The following PAK5 variants were observed in gnomAD, a reference collection of about 807,000 sequenced individuals.
PAK5 encodes the protein p21 (RAC1) activated kinase 5.
A neutral mutation model predicts 65.9 loss-of-function variants in PAK5; 16 were observed. The ratio of observed to expected loss-of-function variants is 0.24; its 90% CI spans 0.16 to 0.37. The LOEUF (loss-of-function observed/expected upper bound fraction) is 0.37. Among genes scored for constraint, PAK5 ranks in the 10% least tolerant of loss-of-function variants. PAK5 has a pLI of 1.00. For synonymous variants in PAK5, 371 were observed against 354.9 expected, an observed-to-expected ratio of 1.05 and a Z score of -0.51; for missense variants, 785 against 903.9, an observed-to-expected ratio of 0.87 and a Z score of 1.69.
At chr20:9,666,999 C>A (rs1054258358) in intron 2 of PAK5, among the ~76,000 whole-genome samples, 1 of 152,132 alleles carries the variant, frequency 6.6e-6, no homozygotes, top group Non-Finnish European at 1.5e-5. Context: ...TAGAGTAGAT[C>A]GGGCATAGTG....
intron 2 of PAK5, among the ~76,000 whole-genome samples, chr20:9,654,349 C>A (rs1315495413): frequency 2.0e-5 from 3 of 152,102 alleles, no homozygotes; most frequent in African/African-American, 7.2e-5. Context: ...TTATATTGGA[C>A]CAGCCTGGAT....
intron 1 of PAK5, among the ~76,000 whole-genome samples, chr20:9,802,910 G>GTATATATAAATATATATA: frequency 2.2e-5 from 1 of 46,364 alleles, no homozygotes; most frequent in Non-Finnish European, 3.9e-5. Flanking sequence ...ATATGTATGT[G>GTATATATAAATATATATA]TATATATATA....
intron 1 of PAK5, among the ~76,000 whole-genome samples, chr20:9,729,444 C>G (rs1229923743): frequency 6.6e-6 from 1 of 152,136 alleles, no homozygotes; most frequent in Non-Finnish European, 1.5e-5. Context: ...TCAATATCCA[C>G]TTCCATAGCA....
intron 3 of PAK5, among the ~76,000 whole-genome samples, chr20:9,618,431 G>T (rs1300827988): frequency 7.3e-6 from 1 of 136,546 alleles, no homozygotes; most frequent in African/African-American, 2.8e-5. Flanking sequence ...TTTTGAGACA[G>T]AGTCTCGCTC....
intron 3 of PAK5, among the ~76,000 whole-genome samples, chr20:9,595,151 A>T (rs1280664902): frequency 2.0e-5 from 3 of 151,538 alleles, no homozygotes; most frequent in African/African-American, 4.8e-5. Context: ...AGTATCAAAT[A>T]AAAAAAATCT....
At chr20:9,687,285 T>C (rs1300762495) in intron 2 of PAK5, among the ~76,000 whole-genome samples, 1 of 152,214 alleles carries the variant, frequency 6.6e-6, no homozygotes, top group Non-Finnish European at 1.5e-5. Flanking sequence ...TCTTTTTAGA[T>C]ACAGTGCCAA....
chr20:9,726,157 T>C (rs1002023361), intron 1 of PAK5, among the ~76,000 whole-genome samples: 1 of 152,160 alleles, frequency 6.6e-6, no homozygotes, highest in East Asian at 1.9e-4. Context: ...GTTTTCATTG[T>C]CAGCTTTTTA....
intron 1 of PAK5, among the ~76,000 whole-genome samples, chr20:9,721,652 T>TG: frequency 2.5e-5 from 1 of 39,322 alleles, no homozygotes; most frequent in African/African-American, 1.1e-4. Context: ...AGACTCCATC[T>TG]CAAAAAAAAA....
chr20:9,823,031 A>G (rs544261378), intron 1 of PAK5, among the ~76,000 whole-genome samples: 1 of 152,348 alleles, frequency 6.6e-6, no homozygotes, highest in Admixed American at 6.5e-5. Flanking sequence ...GAAGGTAAAA[A>G]TACTAAGAGT....
chr20:9,687,917 T>C (rs1336723988), intron 2 of PAK5, among the ~76,000 whole-genome samples: 1 of 135,494 alleles, frequency 7.4e-6, no homozygotes, highest in East Asian at 2.2e-4. Flanking sequence ...GTGTGTGTTA[T>C]GTGTGTGCAT....
At chr20:9,714,423 T>G (rs6056818) in intron 1 of PAK5, among the ~76,000 whole-genome samples, 1 of 151,420 alleles carries the variant, frequency 6.6e-6, no homozygotes, top group South Asian at 2.1e-4. Context: ...TCTGTAAAAA[T>G]GCAACTACTC....
At chr20:9,723,275 C>A (rs139685167) in intron 1 of PAK5, among the ~76,000 whole-genome samples, 1 of 152,178 alleles carries the variant, frequency 6.6e-6, no homozygotes, top group East Asian at 1.9e-4. Context: ...AACAGTGAGA[C>A]GTGGTTCAAT....
chr20:9,817,802 C>T (rs2049375192), intron 1 of PAK5, among the ~76,000 whole-genome samples: 1 of 152,118 alleles, frequency 6.6e-6, no homozygotes, highest in East Asian at 1.9e-4. Context: ...CATAAACTGC[C>T]TTTGCACACA....
chr20:9,762,431 A>G lies in PAK5; in HGVS notation c.-161-50996T>C, dbSNP rs1415273959. Among the ~76,000 whole-genome samples, 4 of 152,140 alleles carry G rather than the reference A, an allele frequency of 2.6e-5. No individual in the cohort carries two copies. In the East Asian group the frequency reaches 7.7e-4, roughly 29 times the overall value. On this transcript the variant is annotated intron_variant, in intron 1 of 9. Coordinates refer to ENST00000353224, the MANE Select transcript of PAK5 (RefSeq NM_177990.4). ...AACTCAATAGCAAATAAAATAAAAC[A>G]AATACCTAATTTAAATGGGCACAGG...
chr20:9,693,411 T>G (rs2047824415), intron 2 of PAK5, among the ~76,000 whole-genome samples: 1 of 152,012 alleles, frequency 6.6e-6, no homozygotes, highest in South Asian at 2.1e-4. Flanking sequence ...CCATTCTCTC[T>G]CTCTTCATCT....
At chr20:9,562,809 T>G (rs1334132505) in intron 6 of PAK5, 82 bp downstream of exon 6, 1 of 1,306,248 alleles carries the variant, frequency 7.7e-7, no homozygotes. Flanking sequence ...CTGCAATTTA[T>G]GAAGAGTTCA....
intron 1 of PAK5, among the ~76,000 whole-genome samples, chr20:9,761,823 A>C (rs549515440): frequency 6.6e-6 from 1 of 152,238 alleles, no homozygotes; most frequent in East Asian, 1.9e-4. Flanking sequence ...TTTTTTTTTA[A>C]AATGGATTGG....
At chr20:9,539,794 T>A (rs968801562) in intron 9 of PAK5, among the ~76,000 whole-genome samples, 177 bp from the exon 10 acceptor site, 2 of 152,270 alleles carry the variant, frequency 1.3e-5, no homozygotes, top group African/African-American at 2.4e-5. Context: ...GTGTTTTCCT[T>A]ACCTTTTTCA....
Position 9,562,866 on chromosome 20 carries a change from TTCTCTGGATAATAAAGAAGCCTACCTG to T in PAK5, c.1614_1616+24del. The T allele has an allele frequency of 6.2e-7, 1 of 1,601,442 alleles. No individual in the cohort carries two copies. Among genetic ancestry groups the T allele is most frequent in the Non-Finnish European group, 8.5e-7 (1 of 1,174,678 alleles). ...GGAGAAGAATAAGAAGCACCTCGAA[TTCTCTGGATAATAAAGAAGCCTACCTG>T]GTGTGAGTCACAATGTCTGTCAAGG... On this transcript the variant is annotated splice_donor_variant and splice_donor_5th_base_variant and coding_sequence_variant and intron_variant, in exon 6 of 10. Transcript: ENST00000353224. LOFTEE classifies it high-confidence loss of function.
Sources: allele counts gnomAD v4.1 joint callset (sites outside exome capture counted in the v4.1 genomes callset), GRCh38; gene constraint gnomAD v4.1.1; transcripts MANE v1.5; gene names NCBI Gene and HGNC (gene_info 2026-07-23, HGNC 2026-07-21).